The following EOGT variants were observed in gnomAD, a reference collection of about 807,000 sequenced individuals.
The protein encoded by EOGT is EGF domain specific O-linked N-acetylglucosamine transferase.
In EOGT, 55 loss-of-function variants were observed where a neutral mutation model predicts 70.5. The observed-to-expected ratio is 0.78, with a 90% confidence interval of 0.63 to 0.98. EOGT has a LOEUF of 0.98. EOGT is among the 50% of genes least tolerant of loss of function. EOGT has a pLI of 0.00. For synonymous variants in EOGT, 246 were observed against 217.1 expected, an observed-to-expected ratio of 1.13 and a Z score of -1.17; for missense variants, 703 against 641.9, an observed-to-expected ratio of 1.10 and a Z score of -1.03.
intron 10 of EOGT, among the ~76,000 whole-genome samples, chr3:68,997,238 A>G (rs938989428): frequency 1.3e-5 from 2 of 152,062 alleles, no homozygotes; most frequent in African/African-American, 2.4e-5. Flanking sequence ...AACACACAGC[A>G]TAATTCAGCA....
At chr3:68,997,644 T>C (rs960411093) in intron 10 of EOGT, among the ~76,000 whole-genome samples, 35 of 152,110 alleles carry the variant, frequency 2.3e-4, no homozygotes, top group Non-Finnish European at 2.9e-4. Context: ...GCTGTGATTA[T>C]AGGCGTGAGC....
rs756582694 is a variant in EOGT, at chr3:68,987,469, G to A, written c.1128C>T (p.Tyr376=). The A allele has an allele frequency of 4.6e-5, 74 of 1,613,488 alleles. No homozygotes were observed. The highest frequency in any genetic ancestry group is 6.1e-5 in the Non-Finnish European group (72 of 1,179,824). Residue 376 remains tyrosine, a synonymous_variant, in exon 14 of 18, where the codon TAC becomes TAT. Transcript: ENST00000383701. The part of the protein sequence containing the change: ...RVTILARSTE[Y]RKILNQNELV... ...CCTCATTTTGGTTAAGGATTTTCCG[G>A]TATTCTGTGCTCCGTGCAAGAATGG... is the stretch of plus-strand genomic sequence containing the variant.
chr3:69,006,071 A>G (rs945410171), intron 6 of EOGT, among the ~76,000 whole-genome samples: 2 of 152,230 alleles, frequency 1.3e-5, no homozygotes, highest in Middle Eastern at 3.2e-3. Flanking sequence ...GTATTTTGTT[A>G]TAACAGCCCA....
chr3:68,981,318 CCCAAT>C (rs1325068661), intron 15 of EOGT, among the ~76,000 whole-genome samples: 1 of 152,100 alleles, frequency 6.6e-6, no homozygotes, highest in Non-Finnish European at 1.5e-5. Context: ...CTCATGGGTC[CCCAAT>C]AGAGATTTAT....
intron 6 of EOGT, among the ~76,000 whole-genome samples, chr3:69,006,301 G>A (rs577158470): frequency 6.6e-5 from 10 of 152,304 alleles, no homozygotes; most frequent in African/African-American, 2.4e-4. Context: ...TTAATGGCAT[G>A]CCTCACATCC....
At chr3:69,008,631 A>G in intron 4 of EOGT, 103 bp from the exon 5 acceptor site, 1 of 763,412 alleles carries the variant, frequency 1.3e-6, no homozygotes, top group Non-Finnish European at 2.2e-6. Context: ...ATTCACATTT[A>G]CATTTATAAT....
rs375639557 is a variant in EOGT at position 68,976,888 on chromosome 3, G to T, written c.*730C>A. 6.6e-6 allele frequency: 1 copy of T among 152,610 alleles called. No individual in the cohort carries two copies. The allele number at this position is 152,610 out of a possible 1,614,324, so 9.5% of individuals were successfully genotyped here. ...AAAAAGAGAAAGTTCAGGGCCATGC[G>T]TGGTGGCTCACACCTGTAATCCCAG... On this transcript the variant is annotated 3_prime_UTR_variant, in exon 18 of 18. Coordinates refer to ENST00000383701, the MANE Select transcript of EOGT (RefSeq NM_001278689.2).
intron 13 of EOGT, chr3:68,987,796 G>C (rs1368843954): frequency 1.1e-5 from 5 of 472,900 alleles, no homozygotes; most frequent in African/African-American, 2.0e-5. Context: ...GGGGAGGTGA[G>C]GGAGATATAA....
chr3:69,003,881 G>GT (rs1164999379), intron 8 of EOGT, among the ~76,000 whole-genome samples: 3 of 152,098 alleles, frequency 2.0e-5, no homozygotes, highest in African/African-American at 7.2e-5. Context: ...TATGTGTATT[G>GT]TTTTTTAAAT....
intron 15 of EOGT, among the ~76,000 whole-genome samples, chr3:68,980,263 T>C (rs1008175140): frequency 7.9e-5 from 12 of 152,218 alleles, no homozygotes; most frequent in African/African-American, 1.7e-4. Flanking sequence ...CTTAGGACAA[T>C]AGAAGCACTT....
intron 3 of EOGT, 88 bp from the exon 4 acceptor site, chr3:69,009,948 A>C (rs972852490): frequency 1.2e-5 from 4 of 324,310 alleles, no homozygotes; most frequent in African/African-American, 7.6e-5. Context: ...AAAAAAAAAA[A>C]ACAAAGGGTC....
rs116711473 is a variant in EOGT, at chr3:69,004,436, T to A, written c.562A>T (p.Lys188Ter). The change falls in exon 8 of 18, where the codon AAA (lysine) becomes TAA (stop). Residue 188 changes from lysine to a stop codon, truncating the protein, a stop_gained. Coordinates refer to ENST00000383701, the MANE Select transcript of EOGT (RefSeq NM_001278689.2). LOFTEE classifies it high-confidence loss of function. Reference protein sequence around the residue: ...FQSGEIGGHCKLDIRTLTSEG... With the variant: ...FQSGEIGGHC The stretch of plus-strand genomic sequence containing the variant: ...GACGTCAATGTACGGATGTCAAGTT[T>A]ACAGTGCCCTCCAATTTCACCACTC... The A allele has an allele frequency of 1.7e-3, 2,722 of 1,614,144 alleles. 40 individuals are homozygous for A. The African/African-American group carries it at 0.029, about 17-fold the overall frequency.
Position 69,009,833 on chromosome 3 carries a change from A to G in EOGT, c.14T>C (p.Phe5Ser). 1 of 1,613,926 alleles carries G rather than the reference A, an allele frequency of 6.2e-7. No individual in the cohort carries two copies. Among genetic ancestry groups the G allele is most frequent in the Non-Finnish European group, 8.5e-7 (1 of 1,179,946 alleles). The change falls in exon 4 of 18, where the codon TTT (phenylalanine) becomes TCT (serine). Residue 5 changes from phenylalanine (F) to serine (S), a missense_variant. Transcript: ENST00000383701. MLML[F>S]VFGVLLHEVS... is the part of the protein sequence containing the mutation. ...TTCATGAAGTAAGACTCCAAAGACA[A>G]ACAACATTAACATAGCAACCTGCAA...
chr3:69,002,636 A>G (rs1055976897), intron 8 of EOGT, among the ~76,000 whole-genome samples: 7 of 151,258 alleles, frequency 4.6e-5, no homozygotes, highest in Non-Finnish European at 1.0e-4. Context: ...GACAAAAAAA[A>G]AAAAGGTTTG....
At chr3:68,997,869 A>T (rs1267538470) in intron 10 of EOGT, 142 bp downstream of exon 10, 1 of 577,840 alleles carries the variant, frequency 1.7e-6, no homozygotes, top group African/African-American at 1.9e-5. Flanking sequence ...ATATGTACAG[A>T]TACATTCGCA....
At chr3:68,990,154 C>T (rs1442990128) in intron 10 of EOGT, among the ~76,000 whole-genome samples, 2 of 152,042 alleles carry the variant, frequency 1.3e-5, no homozygotes, top group Non-Finnish European at 2.9e-5. Context: ...AAGCCACCCA[C>T]AAGCCTAATG....
At chr3:68,983,994 C>G (rs2090728835) in intron 14 of EOGT, among the ~76,000 whole-genome samples, 2 of 152,020 alleles carry the variant, frequency 1.3e-5, no homozygotes, top group African/African-American at 4.8e-5. Flanking sequence ...AAATATCATA[C>G]CAAGTAAGTA....
rs766710222 is a variant in EOGT at position 68,976,066 on chromosome 3, A to G, written c.*1552T>C. On this transcript the variant is annotated 3_prime_UTR_variant, in exon 18 of 18. Coordinates refer to ENST00000383701, the MANE Select transcript of EOGT (RefSeq NM_001278689.2). ...TCCATGGTTTCTGACTACTAAATTG[A>G]AAGTTCATAAGCAGTAAGAAATGAA... 1 of 152,218 alleles carries G rather than the reference A, an allele frequency of 6.6e-6. No individual in the cohort carries two copies. The highest frequency in any genetic ancestry group is 1.5e-5 in the Non-Finnish European group (1 of 68,042). 9.4% of individuals were successfully genotyped at this position (152,218 alleles called of 1,614,324 possible). A position where few individuals can be genotyped will look rare whatever the true frequency, so the allele number is the denominator to read the frequency against.
At chr3:68,979,205 A>G (rs1358575412) in intron 16 of EOGT, among the ~76,000 whole-genome samples, 1 of 152,214 alleles carries the variant, frequency 6.6e-6, no homozygotes, top group African/African-American at 2.4e-5. Flanking sequence ...CTGAGTTAAA[A>G]GTATGCCCTG....
Sources: gnomAD v4.1 joint callset for allele counts (sites outside exome capture counted in the v4.1 genomes callset) on GRCh38, gnomAD v4.1.1 for gene constraint, MANE v1.5 for transcripts, NCBI Gene and HGNC (gene_info 2026-07-23, HGNC 2026-07-21) for gene names.